UTRN: variants seen among roughly 807,000 people sequenced by gnomAD.
The protein encoded by UTRN is utrophin, also known as dystrophin-related protein 1.
Under a neutral mutation model 463.9 loss-of-function variants are expected in UTRN, and 283 were observed. That is an observed-to-expected ratio of 0.61 (90% confidence interval 0.55 to 0.67). The LOEUF (loss-of-function observed/expected upper bound fraction) is 0.67, where lower values mean the gene tolerates loss of function less well. Ranked by LOEUF, UTRN falls within the 30% of genes least tolerant of loss-of-function variation. The pLI is 0.00. For synonymous variants in UTRN, 1,442 were observed against 1,431.5 expected (o/e 1.01, Z -0.17); for missense variants, 3,922 against 4,084.3 (o/e 0.96, Z 1.08).
chr6:144,510,168 G>T (rs1371397587), intron 34 of UTRN, among the ~76,000 whole-genome samples: 4 of 152,154 alleles, frequency 2.6e-5, no homozygotes, highest in Non-Finnish European at 5.9e-5. Context: ...TTAAAAAATG[G>T]TCAATAATAG....
At chr6:144,789,767 T>C (rs1169898475) in intron 62 of UTRN, among the ~76,000 whole-genome samples, 1 of 152,220 alleles carries the variant, frequency 6.6e-6, no homozygotes, top group African/African-American at 2.4e-5. Flanking sequence ...TTTACAGTCA[T>C]AGACGATAAT....
At chr6:144,444,522 C>T (rs1787477915) in intron 14 of UTRN, 140 bp downstream of exon 14, 1 of 494,100 alleles carries the variant, frequency 2.0e-6, no homozygotes, top group Non-Finnish European at 3.3e-6. Context: ...GATCAAATTT[C>T]TATCCAGTTT....
chr6:144,533,289 C>G, intron 43 of UTRN, 29 bp downstream of exon 43: 1 of 1,606,754 alleles, frequency 6.2e-7, no homozygotes, highest in South Asian at 1.1e-5. Flanking sequence ...TTTGCAGGCA[C>G]AGGAGTGAAC....
At chr6:144,340,217 A>G (rs989777052) in intron 2 of UTRN, among the ~76,000 whole-genome samples, 2 of 152,204 alleles carry the variant, frequency 1.3e-5, no homozygotes, top group African/African-American at 4.8e-5. Context: ...GCTCATGGGA[A>G]GTGCCATAAC....
At chr6:144,414,998 G>A (rs1784249671) in intron 3 of UTRN, among the ~76,000 whole-genome samples, 1 of 152,184 alleles carries the variant, frequency 6.6e-6, no homozygotes, top group Non-Finnish European at 1.5e-5. Context: ...ACAGGCATGA[G>A]CCACTGTATC....
intron 2 of UTRN, among the ~76,000 whole-genome samples, chr6:144,315,948 T>A (rs1775258922): frequency 6.6e-6 from 1 of 152,212 alleles, no homozygotes; most frequent in Non-Finnish European, 1.5e-5. Flanking sequence ...TGGACAGGAC[T>A]GTTCCCTGTA....
At chr6:144,338,608 A>G (rs1461327059) in intron 2 of UTRN, among the ~76,000 whole-genome samples, 1 of 152,158 alleles carries the variant, frequency 6.6e-6, no homozygotes, top group East Asian at 1.9e-4. Context: ...GAAGCTGGGC[A>G]GGTGCAGGTT....
At chr6:144,291,355 C>T (rs1171093443) in intron 1 of UTRN, among the ~76,000 whole-genome samples, 1 of 152,172 alleles carries the variant, frequency 6.6e-6, no homozygotes, top group Admixed American at 6.5e-5. Flanking sequence ...TTTCTGTTTC[C>T]CTTTTTGGCT....
intron 52 of UTRN, among the ~76,000 whole-genome samples, chr6:144,687,819 A>G (rs1275463094): frequency 6.6e-6 from 1 of 152,140 alleles, no homozygotes; most frequent in Non-Finnish European, 1.5e-5. Context: ...CCTGATGACT[A>G]TATGCTTTGC....
intron 51 of UTRN, among the ~76,000 whole-genome samples, chr6:144,675,160 A>G (rs1015634659): frequency 2.6e-5 from 4 of 152,142 alleles, no homozygotes; most frequent in Non-Finnish European, 5.9e-5. Flanking sequence ...CACTTGATGT[A>G]GTGGTCTCCC....
chr6:144,361,515 A>G (rs1395288647), intron 2 of UTRN, among the ~76,000 whole-genome samples: 3 of 152,112 alleles, frequency 2.0e-5, no homozygotes, highest in Admixed American at 6.6e-5. Flanking sequence ...AGGTGGATCT[A>G]TTTCTGGATG....
chr6:144,566,759 C>G (rs1359148891), intron 50 of UTRN, among the ~76,000 whole-genome samples: 1 of 152,086 alleles, frequency 6.6e-6, no homozygotes, highest in African/African-American at 2.4e-5. Context: ...GAACAATAAC[C>G]TGGAGGTAGC....
intron 3 of UTRN, among the ~76,000 whole-genome samples, chr6:144,412,095 A>G (rs1245835973): frequency 6.6e-6 from 1 of 152,202 alleles, no homozygotes; most frequent in Non-Finnish European, 1.5e-5. Context: ...TACATATCAT[A>G]CAGTCTTCAT....
chr6:144,739,064 G>T (rs970423237), intron 54 of UTRN, among the ~76,000 whole-genome samples: 14 of 152,124 alleles, frequency 9.2e-5, no homozygotes, highest in Admixed American at 7.9e-4. Context: ...GTATGTATGG[G>T]TTAATGTTTT....
chr6:144,537,458 A>T, intron 43 of UTRN, 124 bp from the exon 44 acceptor site: 1 of 555,868 alleles, frequency 1.8e-6, no homozygotes, highest in Non-Finnish European at 2.6e-6. Context: ...AATATATATT[A>T]AAATAATTAT....
intron 49 of UTRN, 78 bp from the exon 50 acceptor site, chr6:144,557,079 G>C: frequency 6.7e-7 from 1 of 1,501,984 alleles, no homozygotes; most frequent in Non-Finnish European, 9.0e-7. Flanking sequence ...GTCAAAATCT[G>C]CTGGGAGTAC....
chr6:144,545,225 A>T (rs911294979), intron 46 of UTRN, among the ~76,000 whole-genome samples: 1 of 152,212 alleles, frequency 6.6e-6, no homozygotes, highest in Non-Finnish European at 1.5e-5. Context: ...TATGCTCCTA[A>T]CTCATAATCC....
intron 25 of UTRN, 86 bp downstream of exon 25, chr6:144,474,845 C>T: frequency 2.1e-6 from 3 of 1,453,290 alleles, no homozygotes; most frequent in Non-Finnish European, 2.8e-6. Context: ...TATGACCCAT[C>T]CAGTTTGAAA....
intron 58 of UTRN, among the ~76,000 whole-genome samples, chr6:144,760,227 G>A (rs1026422292): frequency 6.6e-6 from 1 of 152,042 alleles, no homozygotes; most frequent in African/African-American, 2.4e-5. Context: ...TCTTGTTCTT[G>A]TGGGGCAGAG....
Sources: gnomAD v4.1 joint callset for allele counts (sites outside exome capture counted in the v4.1 genomes callset) on GRCh38, gnomAD v4.1.1 for gene constraint, MANE v1.5 for transcripts, NCBI Gene and HGNC (gene_info 2026-07-23, HGNC 2026-07-21) for gene names.